SASH1: variants seen among roughly 807,000 people sequenced by gnomAD.
The protein encoded by SASH1 is SAM and SH3 domain containing 1.
In SASH1, 44 loss-of-function variants were observed where a neutral mutation model predicts 125.2. The observed-to-expected ratio is 0.35, with a 90% CI of 0.28 to 0.45. The LOEUF is 0.45. SASH1 is among the 20% of genes least tolerant of loss of function. SASH1 has a pLI of 1.00. For missense variants in SASH1, 1,426 were observed against 1,614.5 expected, an observed-to-expected ratio of 0.88 and a Z score of 2.00; for synonymous variants, 639 against 649.1, an observed-to-expected ratio of 0.98 and a Z score of 0.24.
chr6:148,540,591 G>A, intron 17 of SASH1, 35 bp downstream of exon 17: 1 of 1,475,558 alleles, frequency 6.8e-7, no homozygotes, highest in Non-Finnish European at 9.4e-7. Flanking sequence ...AACCTGCTTT[G>A]ACAAGTACTG....
intron 1 of SASH1, among the ~76,000 whole-genome samples, chr6:148,303,495 A>G (rs1780029925): frequency 6.6e-6 from 1 of 152,176 alleles, no homozygotes; most frequent in South Asian, 2.1e-4. Flanking sequence ...AAATTCACAA[A>G]TATGTAAAAA....
intron 11 of SASH1, among the ~76,000 whole-genome samples, chr6:148,527,093 C>T (rs1781221868): frequency 6.6e-6 from 1 of 152,018 alleles, no homozygotes; most frequent in African/African-American, 2.4e-5. Context: ...AGGATGGTCT[C>T]GATCTCCTGA....
chr6:148,362,812 C>T (rs1202648845), intron 1 of SASH1, among the ~76,000 whole-genome samples: 1 of 152,104 alleles, frequency 6.6e-6, no homozygotes, highest in African/African-American at 2.4e-5. Context: ...TGTGCCACTG[C>T]ACTCCAGCCC....
Position 148,544,656 on chromosome 6 carries a change from A to G in SASH1, c.3186A>G (p.Ser1062=), listed in dbSNP as rs144621827. ...PPSTRPPPWL[S]ELPENTSLQE... ...GCACAAGGCCGCCCCCCTGGCTCTC[A>G]GAGCTCCCCGAGAACACAAGCCTCC... Residue 1062 remains serine, a synonymous_variant, in exon 18 of 20, where the codon TCA becomes TCG. Coordinates refer to ENST00000367467, the MANE Select transcript of SASH1 (RefSeq NM_015278.5). The surrounding 1 kb of genome is among the most constrained non-coding windows in gnomAD (Gnocchi z 6.4). 245 of 1,613,420 alleles carry G rather than the reference A, an allele frequency of 1.5e-4. No individual in the cohort carries two copies. The highest frequency in any genetic ancestry group is 2.0e-4 in the Non-Finnish European group (241 of 1,179,766).
intron 2 of SASH1, among the ~76,000 whole-genome samples, chr6:148,405,349 C>A (rs1173208148): frequency 6.6e-6 from 1 of 152,128 alleles, no homozygotes; most frequent in African/African-American, 2.4e-5. Context: ...AAGCTCCCCT[C>A]CAACTCTTGT....
chr6:148,265,258 T>C, the SASH1 span, among the ~76,000 whole-genome samples: 35 of 144,454 alleles, frequency 2.4e-4, no homozygotes, highest in Admixed American at 2.5e-3. Flanking sequence ...TACAGTGAGC[T>C]AAGCAGGTTC....
chr6:148,514,297 T>A, intron 8 of SASH1, 27 bp from the exon 9 acceptor site: 1 of 1,578,480 alleles, frequency 6.3e-7, no homozygotes, highest in Non-Finnish European at 8.6e-7. Context: ...ATTACCTGAT[T>A]AACTTTTTCC....
At chr6:148,525,503 C>G in intron 11 of SASH1, 138 bp downstream of exon 11, 1 of 717,490 alleles carries the variant, frequency 1.4e-6, no homozygotes, top group East Asian at 2.5e-5. Flanking sequence ...GAAAAAAGCT[C>G]TATTTCACTT....
chr6:148,400,008 G>A (rs1456059770), intron 2 of SASH1, among the ~76,000 whole-genome samples: 1 of 152,254 alleles, frequency 6.6e-6, no homozygotes, highest in Non-Finnish European at 1.5e-5. Flanking sequence ...AGGCTAATCA[G>A]AAGCTAATTA....
At chr6:148,414,728 C>T (rs910514188) in intron 2 of SASH1, among the ~76,000 whole-genome samples, 5 of 151,814 alleles carry the variant, frequency 3.3e-5, no homozygotes, top group African/African-American at 4.8e-5. Flanking sequence ...TGCAGTGATG[C>T]GATTTTGGCA....
At chr6:148,320,248 C>T (rs939280705) in intron 1 of SASH1, among the ~76,000 whole-genome samples, 6 of 152,198 alleles carry the variant, frequency 3.9e-5, no homozygotes, top group Non-Finnish European at 8.8e-5. Context: ...TACTTTACTT[C>T]AGATCGCAGA....
chr6:148,244,316 T>C, the SASH1 span, among the ~76,000 whole-genome samples: 8 of 152,274 alleles, frequency 5.3e-5, no homozygotes, highest in East Asian at 1.5e-3. Context: ...GTATATTCCT[T>C]GCATGTTTAC....
In SASH1 at chr6:148,519,133, A is replaced by G. The variant is rs1780642011; in HGVS notation, c.863-414A>G. ...ATGACATTTATCACACTCCAACTATAAAAAGCGACCAGAGCCAACATAAAG... is the reference window on the plus strand; with the variant it reads ...ATGACATTTATCACACTCCAACTATGAAAAGCGACCAGAGCCAACATAAAG... On this transcript the variant is annotated intron_variant, in intron 9 of 19. Transcript: ENST00000367467. The surrounding 1 kb of genome is among the most constrained non-coding windows in gnomAD (Gnocchi z 4.8). Among the ~76,000 whole-genome samples, 1 of 152,192 alleles carries G rather than the reference A, an allele frequency of 6.6e-6. No individual in the cohort carries two copies. The highest frequency in any genetic ancestry group is 1.5e-5 in the Non-Finnish European group (1 of 68,028).
chr6:148,452,429 C>T (rs938533384), intron 4 of SASH1, among the ~76,000 whole-genome samples: 4 of 152,178 alleles, frequency 2.6e-5, no homozygotes, highest in African/African-American at 7.2e-5. Flanking sequence ...GTTTTCTGCT[C>T]CAGTCTAAAG....
Position 148,535,957 on chromosome 6 carries a change from C to G in SASH1, c.2095+1056C>G, listed in dbSNP as rs182290350. ...GAAGCAAGTGTCATTAGGTGAAATT[C>G]CCTTCTGCTAAATAGGCAGTCCCTC... On this transcript the variant is annotated intron_variant, in intron 16 of 19. Coordinates refer to ENST00000367467, the MANE Select transcript of SASH1 (RefSeq NM_015278.5). Among the ~76,000 whole-genome samples, 5 of 147,154 alleles carry G rather than the reference C, an allele frequency of 3.4e-5. No individual in the cohort carries two copies. The South Asian group carries it at 1.1e-3, about 31-fold the overall frequency.
chr6:148,282,159 G>C (rs142459211), intron 1 of SASH1, among the ~76,000 whole-genome samples: 1 of 152,162 alleles, frequency 6.6e-6, no homozygotes, highest in Admixed American at 6.5e-5. Flanking sequence ...GTCTCCGCCC[G>C]GGGCTACAGT....
chr6:148,238,442 T>C, the SASH1 span, among the ~76,000 whole-genome samples: 4 of 152,196 alleles, frequency 2.6e-5, no homozygotes, highest in African/African-American at 9.7e-5. Context: ...CATGCTGGTC[T>C]CAAACTCCTG....
chr6:148,516,031 G>C (rs1435822311), intron 9 of SASH1, among the ~76,000 whole-genome samples: 1 of 152,162 alleles, frequency 6.6e-6, no homozygotes, highest in African/African-American at 2.4e-5. Context: ...ATTGTAATTT[G>C]CACATTTATT....
intron 2 of SASH1, among the ~76,000 whole-genome samples, chr6:148,427,584 T>G (rs1330410659): frequency 1.3e-5 from 2 of 152,318 alleles, no homozygotes; most frequent in East Asian, 1.9e-4. Flanking sequence ...AGTTGTAGCT[T>G]AAACGATCTA....
Sources: allele counts gnomAD v4.1 joint callset (sites outside exome capture counted in the v4.1 genomes callset), GRCh38; gene constraint gnomAD v4.1.1; non-coding constraint Gnocchi (gnomAD v3.1); transcripts MANE v1.5; gene names NCBI Gene and HGNC (gene_info 2026-07-23, HGNC 2026-07-21).